TACC2: variants seen among roughly 807,000 people sequenced by gnomAD.
TACC2 encodes the protein transforming acidic coiled-coil containing protein 2.
TACC2 carries 137 observed loss-of-function variants against 227.3 expected under a neutral mutation model. The ratio of observed to expected loss-of-function variants is 0.60; its 90% confidence interval spans 0.52 to 0.69. TACC2 has a LOEUF of 0.69. Ranked by LOEUF, TACC2 falls within the 30% of genes least tolerant of loss-of-function variation. The pLI is 0.00. For synonymous variants in TACC2, 1,523 were observed against 1,487.5 expected (o/e 1.02, Z -0.55); for missense variants, 3,470 against 3,694.4 (o/e 0.94, Z 1.57).
rs1014728625 is a variant in TACC2, at chr10:122,248,574, C to T, written c.8393-69C>T. On this transcript the variant is annotated intron_variant, in intron 19 of 22. Coordinates refer to ENST00000369005, the MANE Select transcript of TACC2 (RefSeq NM_206862.4). The stretch of plus-strand genomic sequence containing the variant: ...TGAGGCTGAGTTGCATCTGAGGCCT[C>T]GGCTGGCCCCAGAGACCCAGTTTGG... The T allele has an allele frequency of 5.0e-5, 79 of 1,588,008 alleles. 1 individual carries two copies. The highest frequency in any genetic ancestry group is 2.9e-4 in the South Asian group (26 of 88,824).
At chr10:122,073,485 T>C (rs1377195401) in intron 3 of TACC2, among the ~76,000 whole-genome samples, 3 of 152,188 alleles carry the variant, frequency 2.0e-5, no homozygotes, top group Non-Finnish European at 4.4e-5. Flanking sequence ...AAACTATCCA[T>C]GTCGTCCTCT....
At chr10:122,090,484 T>G (rs1033791172) in intron 5 of TACC2, among the ~76,000 whole-genome samples, 1 of 148,050 alleles carries the variant, frequency 6.8e-6, no homozygotes, top group Non-Finnish European at 1.5e-5. Context: ...GAGGTGGAGC[T>G]TGCAGTGAGC....
chr10:122,064,568 T>C (rs1482743235), intron 3 of TACC2, among the ~76,000 whole-genome samples: 1 of 152,222 alleles, frequency 6.6e-6, no homozygotes, highest in East Asian at 1.9e-4. Flanking sequence ...AACTATTTGC[T>C]CAAAGTTGCA....
intron 15 of TACC2, 129 bp from the exon 16 acceptor site, chr10:122,230,222 G>T: frequency 1.3e-6 from 1 of 742,794 alleles, no homozygotes; most frequent in Non-Finnish European, 2.5e-6. Flanking sequence ...AGAGAAAGGC[G>T]GAGCGCGTGT....
rs1224439722 is a variant in TACC2, at chr10:122,083,876, A to T, written c.1376A>T (p.Glu459Val). 6.2e-7 allele frequency: 1 copy of T among 1,614,114 alleles called. No homozygotes were observed. Among genetic ancestry groups the T allele is most frequent in the Non-Finnish European group, 8.5e-7 (1 of 1,180,018 alleles). ...GMPVSADAAK[E>V]VVDAGLVGLE... ...CCAGTTTCTGCAGATGCAGCCAAAG[A>T]GGTGGTGGATGCAGGGTTGGTGGGA... Residue 459 changes from glutamate to valine, a missense_variant, in exon 4 of 23, where the codon GAG (glutamate) becomes GTG (valine). Coordinates refer to ENST00000369005, the MANE Select transcript of TACC2 (RefSeq NM_206862.4).
intron 2 of TACC2, among the ~76,000 whole-genome samples, chr10:122,034,278 C>G (rs951436144): frequency 2.6e-5 from 4 of 151,880 alleles, no homozygotes; most frequent in Non-Finnish European, 5.9e-5. Flanking sequence ...TGTGAAATAA[C>G]CATTTGCATA....
At chr10:122,113,869 C>T (rs2084130523) in intron 5 of TACC2, among the ~76,000 whole-genome samples, 1 of 152,232 alleles carries the variant, frequency 6.6e-6, no homozygotes, top group African/African-American at 2.4e-5. Context: ...GAGTGCGCCT[C>T]TGCCTCGGGG....
At chr10:122,028,269 T>C (rs560989004) in intron 2 of TACC2, among the ~76,000 whole-genome samples, 9 of 151,866 alleles carry the variant, frequency 5.9e-5, no homozygotes, top group Admixed American at 5.9e-4. Flanking sequence ...TTTGTACTTT[T>C]AGTAGAGACA....
intron 1 of TACC2, among the ~76,000 whole-genome samples, chr10:121,992,237 C>T (rs1039886209): frequency 1.3e-5 from 2 of 152,168 alleles, no homozygotes; most frequent in Admixed American, 6.5e-5. Context: ...CCCAGAACAG[C>T]CCACCCTGAT....
intron 18 of TACC2, 96 bp from the exon 19 acceptor site, chr10:122,241,862 C>T: frequency 6.9e-6 from 8 of 1,160,386 alleles, no homozygotes; most frequent in Non-Finnish European, 1.0e-5. Flanking sequence ...GAAGTTGGGG[C>T]CCTGCTGGAC....
intron 3 of TACC2, among the ~76,000 whole-genome samples, chr10:122,062,959 G>C (rs2076998244): frequency 6.6e-6 from 1 of 152,152 alleles, no homozygotes; most frequent in Non-Finnish European, 1.5e-5. Context: ...AGGGCTCAGA[G>C]AGGTTAAGGA....
At chr10:122,071,932 G>C in intron 3 of TACC2, among the ~76,000 whole-genome samples, 1 of 150,264 alleles carries the variant, frequency 6.7e-6, no homozygotes. Context: ...GGATACTTTG[G>C]GGTTTAATCC....
In TACC2 at chr10:122,141,209, G is replaced by T. The variant is rs1397594793; in HGVS notation, c.5700-2363G>T. 1.3e-5 allele frequency among the ~76,000 whole-genome samples: 2 copies of T among 152,124 alleles called. No individual in the cohort carries two copies. Among genetic ancestry groups the T allele is most frequent in the Non-Finnish European group, 2.9e-5 (2 of 68,014 alleles). On this transcript the variant is annotated intron_variant, in intron 6 of 22. Coordinates refer to ENST00000369005, the MANE Select transcript of TACC2 (RefSeq NM_206862.4). The surrounding 1 kb of genome is among the most constrained non-coding windows in gnomAD (Gnocchi z 4.3). ...GTCAGGAGGGAAGAGGAGAAGTTCTGTTGGGCCCAGGAGGTGTCTGTGGGG... is the reference window on the plus strand; with the variant it reads ...GTCAGGAGGGAAGAGGAGAAGTTCTTTTGGGCCCAGGAGGTGTCTGTGGGG...
intron 7 of TACC2, among the ~76,000 whole-genome samples, chr10:122,156,861 C>T (rs1592710997): frequency 6.6e-6 from 1 of 152,184 alleles, no homozygotes; most frequent in East Asian, 1.9e-4. Flanking sequence ...CAGTGTCTCA[C>T]GTCTGTAGTC....
Position 122,108,709 on chromosome 10 carries a change from C to T in TACC2, c.5573+20118C>T, listed in dbSNP as rs573891515. ...CCACCTGCTTCGGCCTCCCAAAGTG[C>T]TGGGATTACAGGTGTGAGCCATCGC... is the stretch of plus-strand genomic sequence containing the variant. On this transcript the variant is annotated intron_variant, in intron 5 of 22. Coordinates refer to ENST00000369005, the MANE Select transcript of TACC2 (RefSeq NM_206862.4). 9.9e-5 allele frequency among the ~76,000 whole-genome samples: 15 copies of T among 151,664 alleles called. No individual in the cohort carries two copies. The South Asian group carries it at 2.5e-3, about 25-fold the overall frequency.
At chr10:122,015,137 C>T (rs1224049121) in intron 1 of TACC2, among the ~76,000 whole-genome samples, 1 of 151,308 alleles carries the variant, frequency 6.6e-6, no homozygotes, top group Non-Finnish European at 1.5e-5. Flanking sequence ...AAACATATCT[C>T]ATAGCTTTGC....
At chr10:122,230,465 C>T in intron 16 of TACC2, 25 bp downstream of exon 16, 5 of 1,605,100 alleles carry the variant, frequency 3.1e-6, no homozygotes, top group Non-Finnish European at 4.3e-6. Flanking sequence ...CTGCGTGCGC[C>T]ACCTCCTGAG....
chr10:122,149,734 CCT>C (rs1245943135), intron 7 of TACC2, among the ~76,000 whole-genome samples: 1 of 152,244 alleles, frequency 6.6e-6, no homozygotes, highest in Non-Finnish European at 1.5e-5. Context: ...TGCAGATGAG[CCT>C]CTCTGCCTCA....
At chr10:122,064,779 T>G (rs1360517125) in intron 3 of TACC2, among the ~76,000 whole-genome samples, 1 of 152,206 alleles carries the variant, frequency 6.6e-6, no homozygotes, top group Non-Finnish European at 1.5e-5. Flanking sequence ...GGAATCACTC[T>G]CTTTTTAGTG....
Sources: gnomAD v4.1 joint callset for allele counts (sites outside exome capture counted in the v4.1 genomes callset) on GRCh38, gnomAD v4.1.1 for gene constraint, Gnocchi (gnomAD v3.1) non-coding constraint, MANE v1.5 for transcripts, NCBI Gene and HGNC (gene_info 2026-07-23, HGNC 2026-07-21) for gene names.